Variants in UGT1A4 observed in about 807,000 individuals in gnomAD.
UGT1A4 encodes UDP glucuronosyltransferase family 1 member A4, also known as UDP-glucuronosyltransferase 1A4.
A neutral mutation model predicts 41.1 loss-of-function variants in UGT1A4; 32 were observed. The ratio of observed to expected loss-of-function variants is 0.78; its 90% CI spans 0.59 to 1.05. The LOEUF (loss-of-function observed/expected upper bound fraction) is 1.05. Among genes scored for constraint, UGT1A4 ranks in the 50% least tolerant of loss-of-function variants. The pLI is 0.00. For missense variants in UGT1A4, 748 were observed against 677.4 expected (o/e 1.10, Z -1.16); for synonymous variants, 283 against 265.1 (o/e 1.07, Z -0.66).
chr2:233,742,782 C>G lies in UGT1A4; in HGVS notation c.867+23095C>G, dbSNP rs76952857. ...ATAATAAATGCATGTTGTTTTGAACCATCATTAAATTAAGCCAGAAGTATT... is the reference window on the plus strand; with the variant it reads ...ATAATAAATGCATGTTGTTTTGAACGATCATTAAATTAAGCCAGAAGTATT... On this transcript the variant is annotated intron_variant, in intron 1 of 4. Coordinates refer to ENST00000373409, the MANE Select transcript of UGT1A4 (RefSeq NM_007120.3). 2.0e-5 allele frequency: 3 copies of G among 152,908 alleles called. No individual in the cohort carries two copies. In the East Asian group the frequency reaches 5.8e-4, roughly 29 times the overall value. 9.5% of individuals were successfully genotyped at this position (152,908 alleles called of 1,614,324 possible). A position where few individuals can be genotyped will look rare whatever the true frequency, so the allele number is the denominator to read the frequency against.
Position 233,769,502 on chromosome 2 carries a change from T to C in UGT1A4, c.1307+1063T>C, listed in dbSNP as rs1443648635. The C allele has an allele frequency of 1.2e-6, 2 of 1,612,762 alleles. No individual in the cohort carries two copies. On this transcript the variant is annotated intron_variant, in intron 4 of 4. Transcript: ENST00000373409. The surrounding 1 kb of genome is among the most constrained non-coding windows in gnomAD (Gnocchi z 4.4). Reference sequence around the variant, plus strand: ...GTGCGTGTGTTTATGAGAGTGTCCATTGCTTTCTCCCATGGTTACCTCCTT... The same window carrying C: ...GTGCGTGTGTTTATGAGAGTGTCCACTGCTTTCTCCCATGGTTACCTCCTT...
In UGT1A4 at chr2:233,772,298, C is replaced by G; in HGVS notation, c.1344C>G (p.His448Gln). ...KENIMRLSSL[H>Q]KDRPVEPLDL... ...ACATCATGCGCCTCTCCAGCCTTCACAAGGACCGCCCGGTGGAGCCGCTGG... is the reference window on the plus strand; with the variant it reads ...ACATCATGCGCCTCTCCAGCCTTCAGAAGGACCGCCCGGTGGAGCCGCTGG... The change falls in exon 5 of 5, where the codon CAC becomes CAG. Residue 448 changes from histidine (H) to glutamine (Q), a missense_variant. By Grantham distance (24) the His-to-Gln change is conservative. Coordinates refer to ENST00000373409, the MANE Select transcript of UGT1A4 (RefSeq NM_007120.3). The G allele has an allele frequency of 1.9e-6, 3 of 1,614,234 alleles. No homozygotes were observed. The highest frequency in any genetic ancestry group is 8.5e-7 in the Non-Finnish European group (1 of 1,180,048).
intron 1 of UGT1A4, among the ~76,000 whole-genome samples, chr2:233,757,676 T>A (rs986940319): frequency 2.0e-5 from 3 of 151,088 alleles, no homozygotes; most frequent in African/African-American, 7.3e-5. Flanking sequence ...ATTCAAGGAA[T>A]TCAAGGGATT....
In UGT1A4 at chr2:233,767,858, C is replaced by CGGTA. The variant is rs778473109; in HGVS notation, c.1010_1013dup (p.Tyr338Ter). On this transcript the variant is annotated stop_gained and frameshift_variant, in exon 3 of 5. Transcript: ENST00000373409. LOFTEE classifies it high-confidence loss of function. ...TTTTTGCCCCTCCCAGGTCCTGTGGCGGTACACTGGAACCCGACCATCGAA... is the reference window on the plus strand; with the variant it reads ...TTTTTGCCCCTCCCAGGTCCTGTGGCGGTAGGTACACTGGAACCCGACCATCGAA... 3 of 1,614,120 alleles carry CGGTA rather than the reference C, an allele frequency of 1.9e-6. No homozygotes were observed. The highest frequency in any genetic ancestry group is 2.5e-6 in the Non-Finnish European group (3 of 1,180,018).
chr2:233,720,567 T>C (rs1348899395), intron 1 of UGT1A4, among the ~76,000 whole-genome samples: 1 of 152,160 alleles, frequency 6.6e-6, no homozygotes, highest in Non-Finnish European at 1.5e-5. Flanking sequence ...GTGGGATCTA[T>C]TCTTTTTCCA....
At chr2:233,768,072 G>T in intron 3 of UGT1A4, 136 bp downstream of exon 3, 2 of 1,594,474 alleles carry the variant, frequency 1.3e-6, no homozygotes, top group South Asian at 2.2e-5. Context: ...TTATCTAGTG[G>T]GGTATCTCAA....
chr2:233,754,988 A>G (rs756949361), intron 1 of UGT1A4: 25 of 1,295,926 alleles, frequency 1.9e-5, no homozygotes, highest in African/African-American at 1.2e-4. Flanking sequence ...CGGCGGGGTC[A>G]CGGAAGCTGA....
rs375687360 is a variant in UGT1A4 at position 233,718,793 on chromosome 2, C to G, written c.-28C>G. ...TGTAGCAGGCACAGCGTGGGGTGGACAGTCAGCTGTCGGTGGCTTCTGCTG... is the reference window on the plus strand; with the variant it reads ...TGTAGCAGGCACAGCGTGGGGTGGAGAGTCAGCTGTCGGTGGCTTCTGCTG... On this transcript the variant is annotated 5_prime_UTR_variant, in exon 1 of 5. Transcript: ENST00000373409. 30 of 1,613,028 alleles carry G rather than the reference C, an allele frequency of 1.9e-5. No individual in the cohort carries two copies. The highest frequency in any genetic ancestry group is 4.4e-5 in the South Asian group (4 of 91,024).
intron 1 of UGT1A4, among the ~76,000 whole-genome samples, chr2:233,736,953 C>G (rs1030380285): frequency 2.0e-5 from 3 of 152,174 alleles, no homozygotes; most frequent in Admixed American, 1.3e-4. Flanking sequence ...TGTCTGTTGG[C>G]CCCTACTGGG....
intron 1 of UGT1A4, chr2:233,761,110 G>A: frequency 1.9e-6 from 3 of 1,614,198 alleles, no homozygotes; most frequent in African/African-American, 1.3e-5. Context: ...TATGGTTTTT[G>A]TTGGTGGAAT....
intron 1 of UGT1A4, chr2:233,755,082 TCGCGTTTCTA>T (rs745681833): frequency 9.0e-6 from 12 of 1,336,714 alleles, no homozygotes; most frequent in Middle Eastern, 2.1e-4. Context: ...GTCATAGATA[TCGCGTTTCTA>T]CGCGTCCGAC....
rs2078811947 is a variant in UGT1A4 at position 233,736,813 on chromosome 2, C to T, written c.867+17126C>T. 3.9e-5 allele frequency among the ~76,000 whole-genome samples: 6 copies of T among 152,224 alleles called. No individual in the cohort carries two copies. The South Asian group carries it at 1.2e-3, about 31-fold the overall frequency. Reference sequence around the variant, plus strand: ...TCTGTTGGAGTTTGCTGGAGGTCCACTCCAGATGCTCTTTGCTTTGGTATC... The same window carrying T: ...TCTGTTGGAGTTTGCTGGAGGTCCATTCCAGATGCTCTTTGCTTTGGTATC... On this transcript the variant is annotated intron_variant, in intron 1 of 4. Transcript: ENST00000373409.
rs1700550070 is a variant in UGT1A4, at chr2:233,772,816, C to A, written c.*257C>A. 3 of 1,016,374 alleles carry A rather than the reference C, an allele frequency of 3.0e-6. No individual in the cohort carries two copies. The highest frequency in any genetic ancestry group is 3.1e-5 in the Admixed American group (1 of 31,990). 63.0% of individuals were successfully genotyped at this position (1,016,374 alleles called of 1,614,324 possible). ...CATGTGCCATTTTTCAGAGGACGTG[C>A]AGACAGGCTGGCATTCTAGATTACT... On this transcript the variant is annotated 3_prime_UTR_variant, in exon 5 of 5. Transcript: ENST00000373409.
intron 1 of UGT1A4, chr2:233,760,655 T>C (rs1293428675): frequency 1.9e-6 from 3 of 1,614,216 alleles, no homozygotes; most frequent in South Asian, 2.2e-5. Flanking sequence ...TCTGCTATGC[T>C]TTTGTCTGGC....
chr2:233,767,288 C>T (rs1214442488), intron 2 of UGT1A4, 123 bp downstream of exon 2: 1 of 1,566,280 alleles, frequency 6.4e-7, no homozygotes, highest in African/African-American at 1.4e-5. Flanking sequence ...TGCCACTTCC[C>T]AACTATTAAT....
chr2:233,763,806 G>A (rs1352583064), intron 1 of UGT1A4, among the ~76,000 whole-genome samples: 14 of 152,218 alleles, frequency 9.2e-5, no homozygotes, highest in Non-Finnish European at 1.8e-4. Context: ...TGAAACTCAA[G>A]AATTCCAAGA....
chr2:233,721,794 C>T, intron 1 of UGT1A4: 1 of 512,964 alleles, frequency 1.9e-6, no homozygotes, highest in Non-Finnish European at 3.9e-6. Flanking sequence ...CATTTTAAAG[C>T]ACATGCAGCA....
intron 1 of UGT1A4, among the ~76,000 whole-genome samples, chr2:233,732,755 G>GTTTTT (rs956485327): frequency 8.3e-6 from 1 of 120,224 alleles, no homozygotes; most frequent in African/African-American, 3.0e-5. Flanking sequence ...CACCAGCTTT[G>GTTTTT]TTTTTTTTTT....
intron 1 of UGT1A4, chr2:233,743,709 C>T (rs1301083285): frequency 7.3e-7 from 1 of 1,367,384 alleles, no homozygotes; most frequent in Non-Finnish European, 9.8e-7. Context: ...GCCCCCGCCT[C>T]GCCATAGCGG....
Sources: gnomAD v4.1 joint callset for allele counts (sites outside exome capture counted in the v4.1 genomes callset) on GRCh38, gnomAD v4.1.1 for gene constraint, Gnocchi (gnomAD v3.1) non-coding constraint, MANE v1.5 for transcripts, NCBI Gene and HGNC (gene_info 2026-07-23, HGNC 2026-07-21) for gene names.